The following RNF180 variants were observed in gnomAD, a reference collection of about 807,000 sequenced individuals.
The protein encoded by RNF180 is ring finger protein 180.
In RNF180, 38 loss-of-function variants were observed where a neutral mutation model predicts 59.2. The observed-to-expected ratio is 0.64, with a 90% CI of 0.50 to 0.84. RNF180 has a LOEUF of 0.84. Among genes scored for constraint, RNF180 ranks in the 40% least tolerant of loss-of-function variants. RNF180 has a pLI of 0.00. For missense variants in RNF180, 705 were observed against 700.9 expected (o/e 1.01, Z -0.07); for synonymous variants, 262 against 240.3 (o/e 1.09, Z -0.84).
At chr5:64,255,639 G>A (rs942790489) in intron 5 of RNF180, among the ~76,000 whole-genome samples, 1 of 152,128 alleles carries the variant, frequency 6.6e-6, no homozygotes, top group Non-Finnish European at 1.5e-5. Flanking sequence ...TTGCTATTGT[G>A]AATAGTGCCA....
intron 5 of RNF180, among the ~76,000 whole-genome samples, chr5:64,317,597 TACACACAC>T (rs750376789): frequency 1.6e-5 from 2 of 123,866 alleles, no homozygotes; most frequent in African/African-American, 3.8e-5. Context: ...TACATATTTA[TACACACAC>T]ACACACACAC....
chr5:64,340,272 A>G (rs144510366), intron 7 of RNF180, among the ~76,000 whole-genome samples: 1 of 152,332 alleles, frequency 6.6e-6, no homozygotes, highest in African/African-American at 2.4e-5. Flanking sequence ...ATTTTTAACA[A>G]GAATTAAAAA....
intron 5 of RNF180, among the ~76,000 whole-genome samples, chr5:64,245,407 C>T (rs62372498): frequency 6.6e-6 from 1 of 152,050 alleles, no homozygotes; most frequent in Non-Finnish European, 1.5e-5. Context: ...AAGCTCAAAA[C>T]AAAGCAATGG....
chr5:64,333,748 G>A (rs532028090), intron 7 of RNF180, among the ~76,000 whole-genome samples: 13 of 152,202 alleles, frequency 8.5e-5, no homozygotes, highest in African/African-American at 3.1e-4. Context: ...ATTTCTTCTT[G>A]TCTTCCCCAT....
intron 5 of RNF180, among the ~76,000 whole-genome samples, chr5:64,269,210 A>G (rs186882231): frequency 1.9e-4 from 29 of 152,226 alleles, no homozygotes; most frequent in African/African-American, 6.7e-4. Flanking sequence ...GTCTTCATTT[A>G]TGTATTCTCC....
chr5:64,283,475 A>G (rs1027326139), intron 5 of RNF180, among the ~76,000 whole-genome samples: 5 of 151,864 alleles, frequency 3.3e-5, no homozygotes, highest in African/African-American at 1.2e-4. Flanking sequence ...GTTTACTGAT[A>G]TGGTTTGGCT....
intron 5 of RNF180, among the ~76,000 whole-genome samples, chr5:64,235,873 G>A (rs1053348429): frequency 2.6e-5 from 4 of 152,172 alleles, no homozygotes; most frequent in Non-Finnish European, 5.9e-5. Context: ...CACCATGATT[G>A]CAAGTTTCCT....
At chr5:64,183,705 C>T (rs1388724863) in intron 1 of RNF180, among the ~76,000 whole-genome samples, 3 of 152,138 alleles carry the variant, frequency 2.0e-5, no homozygotes, top group Non-Finnish European at 4.4e-5. Context: ...GCCTTGGCCG[C>T]TGAAAGTGCT....
At chr5:64,251,393 T>A (rs1743566944) in intron 5 of RNF180, among the ~76,000 whole-genome samples, 1 of 152,210 alleles carries the variant, frequency 6.6e-6, no homozygotes, top group South Asian at 2.1e-4. Flanking sequence ...TGTCCCTGTT[T>A]GCAGATGACA....
At chr5:64,181,908 C>T (rs981237433) in intron 1 of RNF180, among the ~76,000 whole-genome samples, 1 of 151,758 alleles carries the variant, frequency 6.6e-6, no homozygotes, top group African/African-American at 2.4e-5. Context: ...TATTTAACCC[C>T]TTAATTGCTT....
At chr5:64,184,054 A>G (rs1481426514) in intron 1 of RNF180, among the ~76,000 whole-genome samples, 1 of 152,172 alleles carries the variant, frequency 6.6e-6, no homozygotes, top group African/African-American at 2.4e-5. Context: ...CATAGAACAA[A>G]TTTGGACACA....
intron 5 of RNF180, among the ~76,000 whole-genome samples, chr5:64,238,406 C>T (rs905406577): frequency 1.3e-5 from 2 of 152,070 alleles, no homozygotes; most frequent in African/African-American, 4.8e-5. Flanking sequence ...TATTTAAAGA[C>T]CCTTTATACT....
intron 7 of RNF180, among the ~76,000 whole-genome samples, chr5:64,341,685 T>A (rs891963641): frequency 1.3e-5 from 2 of 152,108 alleles, no homozygotes; most frequent in Non-Finnish European, 2.9e-5. Context: ...TCTACAATCA[T>A]GAAGAGTAGA....
In RNF180 at chr5:64,213,998, T is replaced by A. The variant is rs759633853; in HGVS notation, c.672T>A (p.Phe224Leu). 1 of 1,614,144 alleles carries A rather than the reference T, an allele frequency of 6.2e-7. No individual in the cohort carries two copies. Among genetic ancestry groups the A allele is most frequent in the Non-Finnish European group, 8.5e-7 (1 of 1,180,014 alleles). The change falls in exon 4 of 8, where the codon TTT becomes TTA. Residue 224 changes from phenylalanine to leucine, a missense_variant. Physicochemically the swap from Phe to Leu is conservative, Grantham distance 22. Transcript: ENST00000389100. The stretch of plus-strand genomic sequence containing the variant: ...CTGGCAGATGCGCTACAAGAGCTTT[T>A]CATAGAAAATCACATAGTTTGGATC... ...LVTGRCATRA[F>L]HRKSHSLDLN... is the part of the protein sequence containing the mutation.
chr5:64,352,486 G>A (rs1472502349), intron 7 of RNF180, among the ~76,000 whole-genome samples: 1 of 151,730 alleles, frequency 6.6e-6, no homozygotes, highest in Non-Finnish European at 1.5e-5. Flanking sequence ...TCTTTTAATT[G>A]TGATGTTAGG....
At chr5:64,242,685 G>GA (rs1162921004) in intron 5 of RNF180, among the ~76,000 whole-genome samples, 1 of 152,102 alleles carries the variant, frequency 6.6e-6, no homozygotes, top group Non-Finnish European at 1.5e-5. Context: ...TTTCAACCTG[G>GA]AAAAAGATGT....
intron 5 of RNF180, among the ~76,000 whole-genome samples, chr5:64,249,862 A>C (rs1369134355): frequency 6.6e-6 from 1 of 152,220 alleles, no homozygotes; most frequent in Non-Finnish European, 1.5e-5. Context: ...GATGAACTGC[A>C]ATACAATAAT....
intron 5 of RNF180, among the ~76,000 whole-genome samples, chr5:64,312,141 C>G (rs1743800165): frequency 1.3e-5 from 2 of 152,008 alleles, no homozygotes; most frequent in Admixed American, 1.3e-4. Flanking sequence ...AAGTTCTTAC[C>G]TGAAACTAGA....
At chr5:64,221,618 T>C (rs1045543533) in intron 5 of RNF180, among the ~76,000 whole-genome samples, 3 of 152,166 alleles carry the variant, frequency 2.0e-5, no homozygotes, top group Non-Finnish European at 4.4e-5. Context: ...AAACTAAATA[T>C]CTTAATTTGG....
Sources: allele counts gnomAD v4.1 joint callset (sites outside exome capture counted in the v4.1 genomes callset), GRCh38; gene constraint gnomAD v4.1.1; transcripts MANE v1.5; gene names NCBI Gene and HGNC (gene_info 2026-07-23, HGNC 2026-07-21).